KCNC2: variants seen among roughly 807,000 people sequenced by gnomAD.
KCNC2 encodes voltage-gated potassium channel KCNC2.
Under a neutral mutation model 44.5 loss-of-function variants are expected in KCNC2, and 21 were observed. The observed-to-expected ratio is 0.47, with a 90% CI of 0.33 to 0.68. The LOEUF is 0.68. Among genes scored for constraint, KCNC2 ranks in the 30% least tolerant of loss-of-function variants. The pLI, the probability that KCNC2 is intolerant of heterozygous loss-of-function variation, is 0.01. For missense variants in KCNC2, 589 were observed against 826.2 expected (o/e 0.71, Z 3.52); for synonymous variants, 391 against 339.1 (o/e 1.15, Z -1.68).
intron 2 of KCNC2, among the ~76,000 whole-genome samples, chr12:75,120,975 T>C (rs1440106793): frequency 1.3e-5 from 2 of 152,178 alleles, no homozygotes; most frequent in Admixed American, 6.5e-5. Flanking sequence ...CTGCAACCAA[T>C]ATAGGGCAAC....
At chr12:75,081,749 A>G (rs960514123) in intron 2 of KCNC2, among the ~76,000 whole-genome samples, 8 of 152,090 alleles carry the variant, frequency 5.3e-5, no homozygotes, top group Admixed American at 2.0e-4. Context: ...AAAAAAAGTC[A>G]TAAATGCTTC....
At chr12:75,079,516 T>G (rs1364681479) in intron 2 of KCNC2, among the ~76,000 whole-genome samples, 1 of 152,188 alleles carries the variant, frequency 6.6e-6, no homozygotes. Flanking sequence ...CATTTGCTAG[T>G]ATATTTGTGT....
At chr12:75,191,454 G>A (rs1193491778) in intron 2 of KCNC2, among the ~76,000 whole-genome samples, 1 of 141,104 alleles carries the variant, frequency 7.1e-6, no homozygotes, top group African/African-American at 2.6e-5. Flanking sequence ...TAACTATAAA[G>A]ACACCTCATC....
At chr12:75,120,896 CA>C (rs1220381486) in intron 2 of KCNC2, among the ~76,000 whole-genome samples, 2 of 152,166 alleles carry the variant, frequency 1.3e-5, no homozygotes, top group African/African-American at 4.8e-5. Context: ...TATGAATCAA[CA>C]AAAGACTTAA....
At chr12:75,080,195 A>T (rs1884357495) in intron 2 of KCNC2, among the ~76,000 whole-genome samples, 1 of 152,140 alleles carries the variant, frequency 6.6e-6, no homozygotes, top group Admixed American at 6.6e-5. Context: ...ATTTCATTGG[A>T]AATATTTTTT....
At chr12:75,208,029 G>C (rs200799636) in intron 1 of KCNC2, 27 bp from the exon 2 acceptor site, 8 of 1,606,942 alleles carry the variant, frequency 5.0e-6, no homozygotes, top group East Asian at 2.3e-5. Flanking sequence ...ACAGCGCCGA[G>C]TTAAAGATCT....
intron 4 of KCNC2, among the ~76,000 whole-genome samples, chr12:75,046,133 A>C (rs1304828816): frequency 6.6e-6 from 1 of 151,748 alleles, no homozygotes; most frequent in Non-Finnish European, 1.5e-5. Context: ...ACTATAAACT[A>C]CTTAAGCAAG....
intron 2 of KCNC2, among the ~76,000 whole-genome samples, chr12:75,199,885 C>G (rs1241998140): frequency 6.6e-6 from 1 of 151,842 alleles, no homozygotes; most frequent in East Asian, 1.9e-4. Flanking sequence ...ATCTAAATAT[C>G]TTCTGGCTCA....
chr12:75,205,248 G>A (rs2031591647), intron 2 of KCNC2, among the ~76,000 whole-genome samples: 3 of 152,122 alleles, frequency 2.0e-5, no homozygotes, highest in South Asian at 4.1e-4. Context: ...CCATCACTTA[G>A]CATCTGCAGT....
At chr12:75,129,213 A>G (rs1203500802) in intron 2 of KCNC2, among the ~76,000 whole-genome samples, 1 of 152,192 alleles carries the variant, frequency 6.6e-6, no homozygotes, top group Admixed American at 6.5e-5. Flanking sequence ...ACTAACCACC[A>G]GATGAACTAG....
chr12:75,183,836 A>T (rs148244349), intron 2 of KCNC2, among the ~76,000 whole-genome samples: 1 of 152,208 alleles, frequency 6.6e-6, no homozygotes, highest in African/African-American at 2.4e-5. Flanking sequence ...AAATTCCTCA[A>T]TGTGGCTCAC....
At chr12:75,113,155 G>A (rs1463508) in intron 2 of KCNC2, among the ~76,000 whole-genome samples, 40,130 of 151,934 alleles carry the variant, frequency 0.26, 5,840 homozygotes, top group Middle Eastern at 0.4. Flanking sequence ...TTATATATCT[G>A]CCAACATTTG....
chr12:75,048,248 C>A lies in KCNC2; in HGVS notation c.1685G>T (p.Arg562Leu), dbSNP rs372341671. 5.0e-6 allele frequency: 8 copies of A among 1,613,002 alleles called. 1 individual carries two copies. In the South Asian group the frequency reaches 7.7e-5, roughly 16 times the overall value. ...TCTGTTTTTGTCTCTGGTACTAGAG[C>A]GTCTGATGGGGAGCCTTTCTGGGGG... ...LSPPERLPIR[R>L]SSTRDKNRRG... Residue 562 changes from arginine to leucine, a missense_variant, in exon 4 of 5, where the codon CGC becomes CTC. Around this residue, in one of 7 missense-constraint regions of KCNC2, gnomAD observed 171 missense variants for 182.4 expected, o/e 0.94. Transcript: ENST00000549446.
At chr12:75,132,670 T>C (rs1012277000) in intron 2 of KCNC2, among the ~76,000 whole-genome samples, 2 of 152,094 alleles carry the variant, frequency 1.3e-5, no homozygotes, top group Non-Finnish European at 2.9e-5. Flanking sequence ...TCTGATTTGT[T>C]AAGAGAATCA....
intron 2 of KCNC2, among the ~76,000 whole-genome samples, chr12:75,201,790 G>A (rs1024544117): frequency 1.5e-4 from 23 of 151,782 alleles, no homozygotes; most frequent in African/African-American, 4.6e-4. Context: ...TGCTCTTCTC[G>A]AAGAAAAGCC....
At chr12:75,177,228 A>T (rs1164742489) in intron 2 of KCNC2, among the ~76,000 whole-genome samples, 1 of 151,852 alleles carries the variant, frequency 6.6e-6, no homozygotes, top group African/African-American at 2.4e-5. Context: ...ATAAAATCTG[A>T]TCCATTCCCT....
chr12:75,061,980 T>G (rs1163939276), intron 2 of KCNC2, among the ~76,000 whole-genome samples: 1 of 152,054 alleles, frequency 6.6e-6, no homozygotes, highest in Admixed American at 6.6e-5. Context: ...CCAGTAGCAA[T>G]GCTACCTTTG....
intron 2 of KCNC2, among the ~76,000 whole-genome samples, chr12:75,116,260 G>A (rs1183878957): frequency 6.6e-6 from 1 of 152,098 alleles, no homozygotes; most frequent in Non-Finnish European, 1.5e-5. Context: ...AGGGTCCGAA[G>A]GGAACCAGAA....
At chr12:75,074,019 T>C (rs1012028050) in intron 2 of KCNC2, among the ~76,000 whole-genome samples, 4 of 152,114 alleles carry the variant, frequency 2.6e-5, no homozygotes, top group African/African-American at 9.7e-5. Flanking sequence ...TGTCTGCCTA[T>C]TGAAATTATA....
Sources: allele counts gnomAD v4.1 joint callset (sites outside exome capture counted in the v4.1 genomes callset), GRCh38; gene constraint gnomAD v4.1.1; regional missense constraint gnomAD v4.1.1; transcripts MANE v1.5; gene names NCBI Gene and HGNC (gene_info 2026-07-23, HGNC 2026-07-21).